The following SGCG variants were observed in gnomAD, a reference collection of about 807,000 sequenced individuals.
The protein encoded by SGCG is gamma-sarcoglycan.
In SGCG, 26 loss-of-function variants were observed where a neutral mutation model predicts 29.3. The observed-to-expected ratio is 0.89, with a 90% CI of 0.65 to 1.23. The LOEUF is 1.23. SGCG is among the 50% of genes most tolerant of loss of function. The pLI is 0.00. For missense variants in SGCG, 353 were observed against 356.0 expected (o/e 0.99, Z 0.07); for synonymous variants, 145 against 129.7 (o/e 1.12, Z -0.80).
intron 4 of SGCG, among the ~76,000 whole-genome samples, chr13:23,254,745 G>A (rs1445411919): frequency 6.6e-6 from 1 of 152,146 alleles, no homozygotes; most frequent in Non-Finnish European, 1.5e-5. Context: ...GGGCACAGAG[G>A]CCTAAGAGGA....
intron 4 of SGCG, among the ~76,000 whole-genome samples, chr13:23,259,297 C>G (rs1306705765): frequency 6.6e-6 from 1 of 152,090 alleles, no homozygotes; most frequent in Non-Finnish European, 1.5e-5. Context: ...CAGGAAATAT[C>G]CATTTCTTCT....
intron 5 of SGCG, among the ~76,000 whole-genome samples, chr13:23,286,687 AAAATAAAGC>A (rs1040462833): frequency 8.6e-6 from 1 of 116,420 alleles, no homozygotes; most frequent in Non-Finnish European, 2.1e-5. Flanking sequence ...AGCTCATAAT[AAAATAAAGC>A]AATTATAAAA....
chr13:23,282,766 C>T (rs1881355313), intron 5 of SGCG, among the ~76,000 whole-genome samples: 2 of 152,136 alleles, frequency 1.3e-5, no homozygotes, highest in Non-Finnish European at 2.9e-5. Flanking sequence ...TGAACCTCAG[C>T]ATTGTTAACA....
intron 2 of SGCG, among the ~76,000 whole-genome samples, chr13:23,232,704 C>A (rs993065750): frequency 1.3e-5 from 2 of 152,094 alleles, no homozygotes; most frequent in Admixed American, 1.3e-4. Flanking sequence ...ATGGTGTGAA[C>A]CCAGGAGGCG....
the SGCG span, among the ~76,000 whole-genome samples, chr13:23,174,942 G>A: frequency 6.6e-6 from 1 of 152,218 alleles, no homozygotes; most frequent in African/African-American, 2.4e-5. Flanking sequence ...GGCTGGAGAC[G>A]AGAGCGGCGT....
chr13:23,212,091 G>T (rs372522855), intron 2 of SGCG, among the ~76,000 whole-genome samples: 2 of 152,194 alleles, frequency 1.3e-5, no homozygotes, highest in South Asian at 4.2e-4. Context: ...AGACGTGCTT[G>T]CTAGGGCTTT....
chr13:23,297,918 T>C (rs764548471), intron 6 of SGCG, among the ~76,000 whole-genome samples: 21 of 152,108 alleles, frequency 1.4e-4, no homozygotes, highest in Non-Finnish European at 2.5e-4. Context: ...CTAATTTTTG[T>C]ATTTTTAGTA....
At chr13:23,316,763 G>A (rs1882829694) in intron 6 of SGCG, among the ~76,000 whole-genome samples, 1 of 152,102 alleles carries the variant, frequency 6.6e-6, no homozygotes, top group African/African-American at 2.4e-5. Context: ...CCAGAGGGAG[G>A]ACTGCTGCCA....
intron 6 of SGCG, 50 bp downstream of exon 6, chr13:23,295,537 G>A (rs778522078): frequency 4.0e-6 from 5 of 1,238,430 alleles, no homozygotes; most frequent in South Asian, 2.4e-5. Context: ...GAAGACAAGA[G>A]GGTATGTGCT....
chr13:23,242,992 A>G (rs1362316746), intron 3 of SGCG, among the ~76,000 whole-genome samples: 1 of 152,214 alleles, frequency 6.6e-6, no homozygotes, highest in East Asian at 1.9e-4. Context: ...TTAAAAATGT[A>G]CACGTTGATT....
chr13:23,292,298 C>G (rs578036375), intron 5 of SGCG, among the ~76,000 whole-genome samples: 5 of 152,118 alleles, frequency 3.3e-5, no homozygotes, highest in African/African-American at 1.2e-4. Context: ...TTAGTAGAGA[C>G]GGGATTTGAT....
chr13:23,252,439 C>G (rs934673641), intron 4 of SGCG, among the ~76,000 whole-genome samples: 1 of 152,106 alleles, frequency 6.6e-6, no homozygotes, highest in African/African-American at 2.4e-5. Context: ...CGCCTGTAAT[C>G]CCAGCACTTT....
chr13:23,213,133 T>C (rs1268804011), intron 2 of SGCG, among the ~76,000 whole-genome samples: 1 of 152,134 alleles, frequency 6.6e-6, no homozygotes, highest in Non-Finnish European at 1.5e-5. Context: ...TTTGCAGTGG[T>C]TTCACTGGCA....
At chr13:23,240,949 C>T (rs369890930) in intron 3 of SGCG, among the ~76,000 whole-genome samples, 12 of 151,914 alleles carry the variant, frequency 7.9e-5, no homozygotes, top group Admixed American at 3.9e-4. Context: ...GTCAGGAGAT[C>T]GAGACCATCC....
chr13:23,276,157 C>T (rs1022601082), intron 4 of SGCG, among the ~76,000 whole-genome samples: 1 of 151,782 alleles, frequency 6.6e-6, no homozygotes, highest in Admixed American at 6.6e-5. Flanking sequence ...ATTACATCCT[C>T]AGCTCTAATC....
At chr13:23,235,596 T>C (rs982279248) in intron 3 of SGCG, among the ~76,000 whole-genome samples, 1 of 152,214 alleles carries the variant, frequency 6.6e-6, no homozygotes. Context: ...TCAAACAATG[T>C]TGGCAATATG....
chr13:23,168,511 G>A, the SGCG span, among the ~76,000 whole-genome samples: 3 of 152,204 alleles, frequency 2.0e-5, no homozygotes, highest in Admixed American at 6.5e-5. Context: ...CCAGCAGGGT[G>A]CTCGTGCCTT....
chr13:23,218,161 T>G (rs1392020261), intron 2 of SGCG, among the ~76,000 whole-genome samples: 1 of 152,122 alleles, frequency 6.6e-6, no homozygotes, highest in Non-Finnish European at 1.5e-5. Flanking sequence ...CCCAGAGAAT[T>G]AAAGGAAAAC....
intron 1 of SGCG, among the ~76,000 whole-genome samples, chr13:23,185,486 G>A (rs918434542): frequency 6.6e-6 from 1 of 152,180 alleles, no homozygotes; most frequent in Non-Finnish European, 1.5e-5. Flanking sequence ...CACTGCATCC[G>A]GTCCCCGATC....
Sources: gnomAD v4.1 joint callset for allele counts (sites outside exome capture counted in the v4.1 genomes callset) on GRCh38, gnomAD v4.1.1 for gene constraint, MANE v1.5 for transcripts, NCBI Gene and HGNC (gene_info 2026-07-23, HGNC 2026-07-21) for gene names.